The following PRRC2B variants were observed in gnomAD, a reference collection of about 807,000 sequenced individuals.
PRRC2B encodes protein PRRC2B.
Under a neutral mutation model 242.3 loss-of-function variants are expected in PRRC2B, and 68 were observed. The ratio of observed to expected loss-of-function variants is 0.28; its 90% CI spans 0.23 to 0.34. The LOEUF (loss-of-function observed/expected upper bound fraction) is 0.34, where lower values mean the gene tolerates loss of function less well. Ranked by LOEUF, PRRC2B falls within the 10% of genes least tolerant of loss-of-function variation. The pLI is 1.00. For missense variants in PRRC2B, 2,835 were observed against 2,954.8 expected (o/e 0.96, Z 0.94); for synonymous variants, 1,228 against 1,173.6 (o/e 1.05, Z -0.95).
At chr9:131,417,391 C>T (rs186794765) in intron 1 of PRRC2B, among the ~76,000 whole-genome samples, 171 of 152,148 alleles carry the variant, frequency 1.1e-3, no homozygotes, top group Non-Finnish European at 2.1e-3. Flanking sequence ...TTAATGTATC[C>T]AGTGGGGGAG....
intron 1 of PRRC2B, among the ~76,000 whole-genome samples, chr9:131,408,992 T>G (rs1360963406): frequency 1.3e-5 from 2 of 149,830 alleles, no homozygotes; most frequent in Non-Finnish European, 3.0e-5. Flanking sequence ...GTGCTGGGAT[T>G]ACAGGCATGA....
At position 131,452,209 on chromosome 9, in the gene PRRC2B, G is replaced by C. The variant is rs533488452; in HGVS notation, c.1121-2867G>C. Reference sequence around the variant, plus strand: ...CTTTGTCACCCAGGCTGAGTGCACTGCTGCAATAATGGCTCAACGCAGCCT... The same window carrying C: ...CTTTGTCACCCAGGCTGAGTGCACTCCTGCAATAATGGCTCAACGCAGCCT... On this transcript the variant is annotated intron_variant, in intron 9 of 31. Transcript: ENST00000683519. Among the ~76,000 whole-genome samples the C allele has an allele frequency of 2.0e-5, 3 of 152,244 alleles. No homozygotes were observed. The East Asian group carries it at 5.8e-4, about 29-fold the overall frequency.
chr9:131,483,613 G>C (rs2275500), intron 23 of PRRC2B, among the ~76,000 whole-genome samples, 168 bp downstream of exon 23: 1 of 152,026 alleles, frequency 6.6e-6, no homozygotes, highest in East Asian at 1.9e-4. Flanking sequence ...CAGGTTTTGT[G>C]ACCTTCCAGT....
At chr9:131,450,143 G>A (rs1177178796) in intron 9 of PRRC2B, among the ~76,000 whole-genome samples, 2 of 152,072 alleles carry the variant, frequency 1.3e-5, no homozygotes, top group Non-Finnish European at 1.5e-5. Flanking sequence ...TTCCAACTTT[G>A]TCGTTTTCCA....
At chr9:131,396,325 C>CTTTTTTTTTTTTT (rs1165485887) in intron 1 of PRRC2B, among the ~76,000 whole-genome samples, 10 of 132,946 alleles carry the variant, frequency 7.5e-5, no homozygotes, top group East Asian at 2.1e-4. Context: ...CTTTTCTTTT[C>CTTTTTTTTTTTTT]TTTTTTTTTT....
At chr9:131,436,032 T>C (rs1030187096) in intron 3 of PRRC2B, among the ~76,000 whole-genome samples, 1 of 152,214 alleles carries the variant, frequency 6.6e-6, no homozygotes, top group African/African-American at 2.4e-5. Flanking sequence ...CAGAGAAGGT[T>C]AAAAAGTCAG....
intron 19 of PRRC2B, among the ~76,000 whole-genome samples, chr9:131,481,322 A>AAAG (rs1221901968): frequency 1.3e-5 from 2 of 151,230 alleles, no homozygotes; most frequent in East Asian, 3.9e-4. Context: ...AAAAAAAAAA[A>AAAG]AAAAAAAAAA....
chr9:131,413,651 C>T (rs1258186331), intron 1 of PRRC2B, among the ~76,000 whole-genome samples: 1 of 152,022 alleles, frequency 6.6e-6, no homozygotes, highest in Non-Finnish European at 1.5e-5. Flanking sequence ...AGGTGTGAGC[C>T]ACCTCACCTG....
rs143291976 is a variant in PRRC2B at position 131,405,251 on chromosome 9, C to G, written c.-52+10988C>G. On this transcript the variant is annotated intron_variant, in intron 1 of 31. Coordinates refer to ENST00000683519, the MANE Select transcript of PRRC2B (RefSeq NM_013318.4). The stretch of plus-strand genomic sequence containing the variant: ...TGGGTGTCTTGTTAGGTGAAGGCCA[C>G]TGTGGGAGCTGGAAGGAGGCGATAG... 4.3e-3 allele frequency among the ~76,000 whole-genome samples: 655 copies of G among 152,272 alleles called. 2 individuals carry two copies. Among genetic ancestry groups the G allele is most frequent in the African/African-American group, 0.013 (530 of 41,542 alleles).
intron 1 of PRRC2B, among the ~76,000 whole-genome samples, chr9:131,405,860 A>G (rs1009753356): frequency 6.6e-6 from 1 of 152,194 alleles, no homozygotes; most frequent in African/African-American, 2.4e-5. Context: ...CTTTGGGGTC[A>G]GCTGCCTTCA....
chr9:131,465,110 A>G lies in PRRC2B; in HGVS notation c.1720+32A>G, dbSNP rs747563367. ...GCTGGGCCGTCTTCCCACCAACTGG[A>G]AACCCTGGCCTGTTGTCCTCGTCTT... On this transcript the variant is annotated intron_variant, in intron 12 of 31. Transcript: ENST00000683519. 4 of 1,575,160 alleles carry G rather than the reference A, an allele frequency of 2.5e-6. No homozygotes were observed. The South Asian group carries it at 4.6e-5, about 18-fold the overall frequency.
chr9:131,460,790 T>A (rs1034503108), intron 11 of PRRC2B, among the ~76,000 whole-genome samples: 2 of 152,176 alleles, frequency 1.3e-5, no homozygotes, highest in African/African-American at 2.4e-5. Flanking sequence ...CTTTCCCGGA[T>A]GCATGACCTG....
chr9:131,403,799 T>A (rs1317252399), intron 1 of PRRC2B, among the ~76,000 whole-genome samples: 2 of 152,126 alleles, frequency 1.3e-5, no homozygotes, highest in Non-Finnish European at 2.9e-5. Flanking sequence ...CGTATAAATA[T>A]GGCCTCATGT....
chr9:131,400,129 T>A (rs1204538403), intron 1 of PRRC2B, among the ~76,000 whole-genome samples: 1 of 152,032 alleles, frequency 6.6e-6, no homozygotes, highest in East Asian at 1.9e-4. Context: ...TGTCGCCCAG[T>A]CTGGAGTGCA....
intron 20 of PRRC2B, 69 bp downstream of exon 20, chr9:131,481,877 G>A (rs530449082): frequency 1.1e-5 from 15 of 1,412,198 alleles, no homozygotes; most frequent in South Asian, 4.9e-5. Context: ...CCATCCACAC[G>A]GCCAGCTTGC....
At chr9:131,406,065 A>G (rs1462574525) in intron 1 of PRRC2B, among the ~76,000 whole-genome samples, 1 of 152,140 alleles carries the variant, frequency 6.6e-6, no homozygotes, top group East Asian at 1.9e-4. Context: ...GACCGCAGCT[A>G]TTAATGGTTC....
chr9:131,488,556 CT>C (rs1286902990), intron 28 of PRRC2B, among the ~76,000 whole-genome samples: 2 of 152,216 alleles, frequency 1.3e-5, no homozygotes, highest in Non-Finnish European at 2.9e-5. Context: ...GCCACCACCC[CT>C]GGCCCCTCAT....
chr9:131,412,797 C>CTTTTTTTTTTTTTTTTTTTTTTTTGTT (rs35175798), intron 1 of PRRC2B, among the ~76,000 whole-genome samples: 1 of 138,020 alleles, frequency 7.2e-6, no homozygotes, highest in Non-Finnish European at 1.5e-5. Flanking sequence ...CTCTCTCTCT[C>CTTTTTTTTTTTTTTTTTTTTTTTTGTT]TTTTTTTTTT....
intron 1 of PRRC2B, among the ~76,000 whole-genome samples, chr9:131,378,427 C>T (rs1836713452): frequency 1.3e-5 from 2 of 151,830 alleles, no homozygotes; most frequent in African/African-American, 4.8e-5. Flanking sequence ...GGGAATGACA[C>T]ACCATTGGGG....
Sources: allele counts gnomAD v4.1 joint callset (sites outside exome capture counted in the v4.1 genomes callset), GRCh38; gene constraint gnomAD v4.1.1; transcripts MANE v1.5; gene names NCBI Gene and HGNC (gene_info 2026-07-23, HGNC 2026-07-21).